MAP2K5: variants seen among roughly 807,000 people sequenced by gnomAD.
MAP2K5 encodes the protein mitogen-activated protein kinase kinase 5.
In MAP2K5, 49 loss-of-function variants were observed where a neutral mutation model predicts 83.1. The observed-to-expected ratio is 0.59, with a 90% CI of 0.47 to 0.75. The LOEUF is 0.75. MAP2K5 is among the 30% of genes least tolerant of loss of function. The probability of loss-of-function intolerance (pLI) is 0.00; values close to 1 mark genes in which losing one functional copy is unlikely to be tolerated. For synonymous variants in MAP2K5, 202 were observed against 191.8 expected (o/e 1.05, Z -0.44); for missense variants, 457 against 557.5 (o/e 0.82, Z 1.82).
At chr15:67,554,168 T>A (rs1206218745) in intron 2 of MAP2K5, among the ~76,000 whole-genome samples, 5 of 152,020 alleles carry the variant, frequency 3.3e-5, no homozygotes, top group Admixed American at 6.6e-5. Context: ...CAAGCAATCC[T>A]CCCACCTCAG....
In MAP2K5 at chr15:67,623,876, T is replaced by C. The variant is rs2086247314; in HGVS notation, c.546-7012T>C. On this transcript the variant is annotated intron_variant, in intron 8 of 21. Transcript: ENST00000178640. ...CCTCCCAAAGTGCTGGGATTACAGG[T>C]GTGAGCCACCGCCCCCGGCTACTTC... Among the ~76,000 whole-genome samples the C allele has an allele frequency of 3.3e-5, 5 of 149,660 alleles. No individual in the cohort carries two copies. The Admixed American group carries it at 3.3e-4, about 10-fold the overall frequency.
chr15:67,753,416 A>G (rs1445095940), intron 19 of MAP2K5, among the ~76,000 whole-genome samples: 1 of 152,230 alleles, frequency 6.6e-6, no homozygotes, highest in African/African-American at 2.4e-5. Flanking sequence ...ACAGAATGGG[A>G]GAAAATATTT....
chr15:67,741,801 A>G (rs2141265569), intron 17 of MAP2K5, among the ~76,000 whole-genome samples: 1 of 152,314 alleles, frequency 6.6e-6, no homozygotes, highest in Non-Finnish European at 1.5e-5. Context: ...ATCTTCAAAT[A>G]TATGAAGAGC....
At chr15:67,623,109 A>C (rs2141070473) in intron 8 of MAP2K5, among the ~76,000 whole-genome samples, 1 of 152,346 alleles carries the variant, frequency 6.6e-6, no homozygotes, top group Admixed American at 6.5e-5. Flanking sequence ...CTCAAAAAAA[A>C]AGAAAGCATA....
At chr15:67,745,447 G>A (rs1404728909) in intron 17 of MAP2K5, among the ~76,000 whole-genome samples, 1 of 152,242 alleles carries the variant, frequency 6.6e-6, no homozygotes, top group Non-Finnish European at 1.5e-5. Flanking sequence ...GTGTGCAAAA[G>A]CAGAGGCAAT....
intron 12 of MAP2K5, among the ~76,000 whole-genome samples, chr15:67,664,350 A>AAAAG (rs1401015023): frequency 3.3e-5 from 5 of 150,526 alleles, no homozygotes; most frequent in Admixed American, 1.3e-4. Flanking sequence ...AAAAAAAAAA[A>AAAAG]AAAAGCTAGG....
chr15:67,776,271 T>G (rs1475837382), intron 21 of MAP2K5, among the ~76,000 whole-genome samples: 2 of 143,594 alleles, frequency 1.4e-5, no homozygotes, highest in Non-Finnish European at 3.0e-5. Flanking sequence ...TTAAATAATC[T>G]GCTTTTAAAT....
At chr15:67,709,669 A>G (rs1478793381) in intron 16 of MAP2K5, among the ~76,000 whole-genome samples, 2 of 152,158 alleles carry the variant, frequency 1.3e-5, no homozygotes, top group Admixed American at 6.5e-5. Context: ...TCCCACTCTC[A>G]TTTTTTACTA....
chr15:67,553,387 A>G (rs1041377936), intron 2 of MAP2K5, among the ~76,000 whole-genome samples: 1 of 152,192 alleles, frequency 6.6e-6, no homozygotes, highest in Non-Finnish European at 1.5e-5. Flanking sequence ...TTGCCCCATC[A>G]ATGGCAGCAG....
At chr15:67,799,506 G>T (rs150801249) in intron 21 of MAP2K5, among the ~76,000 whole-genome samples, 29 of 152,252 alleles carry the variant, frequency 1.9e-4, no homozygotes, top group Non-Finnish European at 3.8e-4. Flanking sequence ...GCTGCAGACA[G>T]CTGCCCTGTG....
At chr15:67,800,832 G>A (rs142252426) in intron 21 of MAP2K5, among the ~76,000 whole-genome samples, 87 of 152,260 alleles carry the variant, frequency 5.7e-4, no homozygotes, top group Admixed American at 1.1e-3. Flanking sequence ...GTGCACCACA[G>A]CAGCCCTCCT....
chr15:67,741,429 G>C (rs967897025), intron 17 of MAP2K5, among the ~76,000 whole-genome samples: 4 of 152,160 alleles, frequency 2.6e-5, no homozygotes, highest in African/African-American at 9.7e-5. Flanking sequence ...ACCAAGAATG[G>C]TTATTGGGGT....
chr15:67,597,298 C>T (rs1211239733), intron 7 of MAP2K5, among the ~76,000 whole-genome samples: 3 of 152,096 alleles, frequency 2.0e-5, no homozygotes, highest in African/African-American at 2.4e-5. Flanking sequence ...AAACTAACAT[C>T]GTAGCTAATG....
intron 19 of MAP2K5, among the ~76,000 whole-genome samples, chr15:67,756,761 T>C (rs1225860493): frequency 6.6e-6 from 1 of 152,174 alleles, no homozygotes; most frequent in Non-Finnish European, 1.5e-5. Flanking sequence ...TTTTAGATTC[T>C]ACATATTAAG....
At chr15:67,568,100 A>G (rs1365462368) in intron 3 of MAP2K5, among the ~76,000 whole-genome samples, 3 of 152,054 alleles carry the variant, frequency 2.0e-5, no homozygotes, top group Non-Finnish European at 4.4e-5. Flanking sequence ...AACAAAAATA[A>G]TTTTCATCAT....
chr15:67,733,844 T>A (rs1194046828), intron 17 of MAP2K5, among the ~76,000 whole-genome samples: 5 of 152,218 alleles, frequency 3.3e-5, no homozygotes, highest in Non-Finnish European at 7.3e-5. Flanking sequence ...AGTTCAGAAA[T>A]GAAAATATCC....
intron 16 of MAP2K5, among the ~76,000 whole-genome samples, chr15:67,721,726 A>G (rs555414881): frequency 2.7e-4 from 41 of 152,338 alleles, no homozygotes; most frequent in Admixed American, 7.2e-4. Flanking sequence ...TTTGTAGGAA[A>G]GAGTTTGTGA....
Position 67,781,528 on chromosome 15 carries a change from A to G in MAP2K5, c.1242+8776A>G, listed in dbSNP as rs1412137056. 2.0e-5 allele frequency among the ~76,000 whole-genome samples: 3 copies of G among 152,132 alleles called. No individual in the cohort carries two copies. In the East Asian group the frequency reaches 5.8e-4, roughly 29 times the overall value. On this transcript the variant is annotated intron_variant, in intron 21 of 21. Transcript: ENST00000178640. This position sits in a 1 kb window ranked among gnomAD's most constrained non-coding sequence, Gnocchi z 4.0. ...ATTTGGGCCTACCGTCCTCTATTTAATTTTCAAGATTAGAATTAAACGTTA... is the reference window on the plus strand; with the variant it reads ...ATTTGGGCCTACCGTCCTCTATTTAGTTTTCAAGATTAGAATTAAACGTTA...
Position 67,563,530 on chromosome 15 carries a change from C to G in MAP2K5, c.252+180C>G, listed in dbSNP as rs1388486101. On this transcript the variant is annotated intron_variant, in intron 3 of 21. Transcript: ENST00000178640. This position sits in a 1 kb window ranked among gnomAD's most constrained non-coding sequence, Gnocchi z 4.5. ...TTAAGGGCATTATTTTCAAAAGACACTTACTGATCATATCATAAACATTAA... is the reference window on the plus strand; with the variant it reads ...TTAAGGGCATTATTTTCAAAAGACAGTTACTGATCATATCATAAACATTAA... 6.6e-6 allele frequency among the ~76,000 whole-genome samples: 1 copy of G among 152,124 alleles called. No homozygotes were observed. The highest frequency in any genetic ancestry group is 1.5e-5 in the Non-Finnish European group (1 of 68,026).
Sources: allele counts gnomAD v4.1 joint callset (sites outside exome capture counted in the v4.1 genomes callset), GRCh38; gene constraint gnomAD v4.1.1; non-coding constraint Gnocchi (gnomAD v3.1); transcripts MANE v1.5; gene names NCBI Gene and HGNC (gene_info 2026-07-23, HGNC 2026-07-21).